Variants in CTNND2 observed in about 807,000 individuals in gnomAD.
CTNND2 encodes the protein catenin delta 2.
A neutral mutation model predicts 144.4 loss-of-function variants in CTNND2; 22 were observed. That is an observed-to-expected ratio of 0.15 (90% CI 0.11 to 0.22). CTNND2 has a LOEUF of 0.22. Ranked by LOEUF, CTNND2 falls within the 10% of genes least tolerant of loss-of-function variation. CTNND2 has a pLI of 1.00. For missense variants in CTNND2, 1,353 were observed against 1,618.8 expected (o/e 0.84, Z 2.82); for synonymous variants, 751 against 695.6 (o/e 1.08, Z -1.25).
At position 11,443,331 on chromosome 5, in the gene CTNND2, G is replaced by GGGGA. The variant is rs1268670420; in HGVS notation, c.288-31263_288-31262insTCCC. Among the ~76,000 whole-genome samples, 60 of 90,840 alleles carry GGGGA rather than the reference G, an allele frequency of 6.6e-4. 2 individuals carry two copies. The highest frequency in any genetic ancestry group is 2.8e-3 in the African/African-American group (55 of 19,902). The allele number at this position is 90,840 out of a possible 152,430, so 59.6% of individuals were successfully genotyped here. A position where few individuals can be genotyped will look rare whatever the true frequency, so the allele number is the denominator to read the frequency against. On this transcript the variant is annotated intron_variant, in intron 3 of 21. Coordinates refer to ENST00000304623, the MANE Select transcript of CTNND2 (RefSeq NM_001332.4). ...GTGTGGTGTGTGTGCATGTGTGTGT[G>GGGGA]GTGTGTGTGGGGAGTGTGTGGGAGG...
At chr5:11,481,519 C>CTTG (rs1230203141) in intron 3 of CTNND2, among the ~76,000 whole-genome samples, 2 of 152,174 alleles carry the variant, frequency 1.3e-5, no homozygotes, top group African/African-American at 4.8e-5. Flanking sequence ...GGGAGGATCA[C>CTTG]TTGAGCCCAG....
chr5:11,664,744 C>G (rs1442425058), intron 2 of CTNND2, among the ~76,000 whole-genome samples: 2 of 152,150 alleles, frequency 1.3e-5, no homozygotes, highest in Non-Finnish European at 2.9e-5. Context: ...TCATTTCACT[C>G]ACTATTTCCT....
At chr5:11,541,389 G>A (rs775944255) in intron 3 of CTNND2, among the ~76,000 whole-genome samples, 1 of 152,154 alleles carries the variant, frequency 6.6e-6, no homozygotes, top group African/African-American at 2.4e-5. Context: ...GTCATTCAGA[G>A]GAAAAGTTCT....
intron 2 of CTNND2, among the ~76,000 whole-genome samples, chr5:11,608,000 G>A (rs1044935711): frequency 1.3e-5 from 2 of 152,088 alleles, no homozygotes; most frequent in Admixed American, 6.6e-5. Context: ...TTTATCAACA[G>A]TTCCCAACAA....
intron 2 of CTNND2, among the ~76,000 whole-genome samples, chr5:11,678,433 C>G (rs1302579683): frequency 1.3e-5 from 2 of 152,242 alleles, no homozygotes; most frequent in East Asian, 3.9e-4. Context: ...CCCCAACCAG[C>G]AATCCATCAC....
At chr5:11,662,204 T>G (rs1308626715) in intron 2 of CTNND2, among the ~76,000 whole-genome samples, 2 of 138,596 alleles carry the variant, frequency 1.4e-5, no homozygotes, top group African/African-American at 5.8e-5. Context: ...TGTGTATATA[T>G]GTATATATAT....
intron 9 of CTNND2, among the ~76,000 whole-genome samples, chr5:11,331,337 A>T (rs541264686): frequency 6.6e-6 from 1 of 152,276 alleles, no homozygotes; most frequent in Admixed American, 6.5e-5. Context: ...CCTCCTCAGT[A>T]TGAGGGGAAA....
intron 2 of CTNND2, among the ~76,000 whole-genome samples, chr5:11,702,612 A>T (rs2126674180): frequency 6.6e-6 from 1 of 152,126 alleles, no homozygotes; most frequent in Non-Finnish European, 1.5e-5. Context: ...CAAGTCACTG[A>T]CTCCAAGCCA....
chr5:11,787,881 G>C (rs1343876862), intron 1 of CTNND2, among the ~76,000 whole-genome samples: 2 of 152,292 alleles, frequency 1.3e-5, no homozygotes, highest in East Asian at 3.9e-4. Context: ...CCTTAGAAGT[G>C]CAAATAAATG....
intron 16 of CTNND2, among the ~76,000 whole-genome samples, chr5:11,024,913 C>A (rs2149542122): frequency 6.6e-6 from 1 of 152,310 alleles, no homozygotes; most frequent in African/African-American, 2.4e-5. Flanking sequence ...CCAACCCCTG[C>A]AGAGCAGCCT....
intron 2 of CTNND2, among the ~76,000 whole-genome samples, chr5:11,608,967 T>A (rs1241960511): frequency 3.9e-5 from 6 of 152,172 alleles, no homozygotes; most frequent in Admixed American, 3.3e-4. Flanking sequence ...CCCAGCCATA[T>A]GGCATTTTTT....
At chr5:11,349,928 G>A (rs1401137089) in intron 8 of CTNND2, among the ~76,000 whole-genome samples, 5 of 152,276 alleles carry the variant, frequency 3.3e-5, no homozygotes, top group South Asian at 2.1e-4. Flanking sequence ...ATGAGGTCAG[G>A]AGTTCCAGAC....
intron 8 of CTNND2, among the ~76,000 whole-genome samples, chr5:11,351,726 A>T (rs1241344643): frequency 1.3e-5 from 2 of 152,206 alleles, no homozygotes; most frequent in African/African-American, 4.8e-5. Flanking sequence ...AATAAAGAGG[A>T]AGAAAAAAAG....
At chr5:11,565,840 G>GT (rs1011297576) in intron 2 of CTNND2, among the ~76,000 whole-genome samples, 8 of 152,078 alleles carry the variant, frequency 5.3e-5, no homozygotes, top group Non-Finnish European at 1.0e-4. Context: ...ATACACTTAA[G>GT]TTTTTTTAAA....
intron 1 of CTNND2, among the ~76,000 whole-genome samples, chr5:11,737,431 C>A (rs1244552402): frequency 6.6e-6 from 1 of 152,220 alleles, no homozygotes; most frequent in Non-Finnish European, 1.5e-5. Flanking sequence ...AATACCCAAG[C>A]TGCATTTTGG....
At chr5:11,062,580 A>G (rs1265524680) in intron 16 of CTNND2, among the ~76,000 whole-genome samples, 2 of 152,230 alleles carry the variant, frequency 1.3e-5, no homozygotes, top group Non-Finnish European at 2.9e-5. Context: ...TCAGACAAGC[A>G]CATTCTTCTA....
intron 3 of CTNND2, among the ~76,000 whole-genome samples, chr5:11,543,083 TATG>T (rs1173056234): frequency 6.6e-6 from 1 of 152,230 alleles, no homozygotes; most frequent in Non-Finnish European, 1.5e-5. Context: ...AACTTTCATC[TATG>T]TGACTGCTCA....
chr5:11,284,140 A>G (rs950434239), intron 9 of CTNND2, among the ~76,000 whole-genome samples: 8 of 152,294 alleles, frequency 5.3e-5, no homozygotes, highest in Non-Finnish European at 4.4e-5. Flanking sequence ...TGTTCTGGTC[A>G]TGTGAATTCT....
At chr5:11,510,483 T>C (rs1003550657) in intron 3 of CTNND2, among the ~76,000 whole-genome samples, 1 of 152,250 alleles carries the variant, frequency 6.6e-6, no homozygotes, top group African/African-American at 2.4e-5. Context: ...GTTTACCTTG[T>C]GGTTTTATTT....
Sources: gnomAD v4.1 joint callset for allele counts (sites outside exome capture counted in the v4.1 genomes callset) on GRCh38, gnomAD v4.1.1 for gene constraint, MANE v1.5 for transcripts, NCBI Gene and HGNC (gene_info 2026-07-23, HGNC 2026-07-21) for gene names.